Variants in SRGAP3 observed in about 807,000 individuals in gnomAD.
SRGAP3 encodes the protein SLIT-ROBO Rho GTPase-activating protein 3.
Under a neutral mutation model 121.1 loss-of-function variants are expected in SRGAP3, and 39 were observed. That is an observed-to-expected ratio of 0.32 (90% CI 0.25 to 0.42). The LOEUF (loss-of-function observed/expected upper bound fraction) is 0.42, where lower values mean the gene tolerates loss of function less well. Ranked by LOEUF, SRGAP3 falls within the 10% of genes least tolerant of loss-of-function variation. The pLI is 1.00. For synonymous variants in SRGAP3, 601 were observed against 570.0 expected (o/e 1.05, Z -0.77); for missense variants, 1,213 against 1,470.6 (o/e 0.82, Z 2.86).
chr3:9,243,400 C>T (rs1282971214), intron 1 of SRGAP3, among the ~76,000 whole-genome samples: 1 of 151,860 alleles, frequency 6.6e-6, no homozygotes, highest in Non-Finnish European at 1.5e-5. Context: ...TTTGGGAGGC[C>T]GAGGCAGGCG....
intron 6 of SRGAP3, 81 bp from the exon 7 acceptor site, chr3:9,058,553 C>T: frequency 7.2e-7 from 1 of 1,389,052 alleles, no homozygotes; most frequent in South Asian, 1.2e-5. Context: ...CAGTGACTTA[C>T]AATTACCTCC....
chr3:9,228,165 G>C (rs1258968317), intron 1 of SRGAP3, among the ~76,000 whole-genome samples: 1 of 151,978 alleles, frequency 6.6e-6, no homozygotes, highest in African/African-American at 2.4e-5. Context: ...GTAAGAGAAG[G>C]GTGTCGTGGG....
At chr3:9,065,729 A>C (rs1946400183) in intron 4 of SRGAP3, among the ~76,000 whole-genome samples, 1 of 152,208 alleles carries the variant, frequency 6.6e-6, no homozygotes, top group Non-Finnish European at 1.5e-5. Context: ...CTGTTTACTT[A>C]GTCATATGTC....
intron 18 of SRGAP3, among the ~76,000 whole-genome samples, chr3:8,998,643 T>G (rs1374881392): frequency 1.3e-5 from 2 of 152,156 alleles, no homozygotes; most frequent in African/African-American, 4.8e-5. Context: ...TATCAATCTT[T>G]CCTACCAAAG....
intron 2 of SRGAP3, among the ~76,000 whole-genome samples, chr3:9,112,217 G>A (rs2124938458): frequency 6.6e-6 from 1 of 152,316 alleles, no homozygotes; most frequent in Admixed American, 6.5e-5. Context: ...GGTCCCTCTG[G>A]GAGGAAGGCA....
At chr3:9,207,043 C>T (rs974194519) in intron 1 of SRGAP3, among the ~76,000 whole-genome samples, 1 of 152,098 alleles carries the variant, frequency 6.6e-6, no homozygotes, top group African/African-American at 2.4e-5. Context: ...ATAGGGTGAC[C>T]AACCATCAAG....
intron 4 of SRGAP3, among the ~76,000 whole-genome samples, chr3:9,076,174 T>G (rs1946967290): frequency 6.6e-6 from 1 of 152,146 alleles, no homozygotes; most frequent in Non-Finnish European, 1.5e-5. Flanking sequence ...GTGGCCCCAG[T>G]TGAACCCTGC....
intron 3 of SRGAP3, among the ~76,000 whole-genome samples, chr3:9,294,471 T>C (rs560889567): frequency 6.6e-6 from 1 of 152,118 alleles, no homozygotes; most frequent in African/African-American, 2.4e-5. Flanking sequence ...CAAACTCCCA[T>C]GACACACATT....
chr3:9,138,705 C>T (rs984052171), intron 1 of SRGAP3, among the ~76,000 whole-genome samples: 1 of 152,184 alleles, frequency 6.6e-6, no homozygotes, highest in African/African-American at 2.4e-5. Context: ...CGTGACCTCA[C>T]AGGACAGGTC....
At chr3:9,289,462 G>T (rs1261922096) in intron 3 of SRGAP3, among the ~76,000 whole-genome samples, 1 of 152,136 alleles carries the variant, frequency 6.6e-6, no homozygotes, top group Admixed American at 6.6e-5. Context: ...TATGGGATAT[G>T]CATTTGTTTC....
At chr3:9,252,553 GAGAGGAAAAAAA>G (rs1954041615), upstream of SRGAP3, among the ~76,000 whole-genome samples, 2 of 151,936 alleles carry the variant, frequency 1.3e-5, no homozygotes, top group Non-Finnish European at 2.9e-5. Flanking sequence ...GGAAAAGGAA[GAGAGGAAAAAAA>G]AGAGGAAAAG....
At chr3:9,360,243 T>C (rs538216524) in intron 1 of SRGAP3, among the ~76,000 whole-genome samples, 1 of 152,362 alleles carries the variant, frequency 6.6e-6, no homozygotes, top group South Asian at 2.1e-4. Context: ...TACAAGTTTT[T>C]GTTTGAACAC....
At chr3:9,191,137 T>C (rs557410714) in intron 1 of SRGAP3, among the ~76,000 whole-genome samples, 22 of 152,160 alleles carry the variant, frequency 1.4e-4, no homozygotes, top group African/African-American at 5.1e-4. Context: ...TGGGAGAGCA[T>C]AGGTGTGGAG....
At position 9,011,804 on chromosome 3, in the gene SRGAP3, TCTC is replaced by T. The variant is rs1268141022; in HGVS notation, c.2148-1420_2148-1418del. On this transcript the variant is annotated intron_variant, in intron 17 of 21. Transcript: ENST00000383836. ...TACTGTGCTGAGACCCTCAGCCAAG[TCTC>T]CTTTTTTGGTTTTGAAGACTCCAAA... 2.4e-5 allele frequency among the ~76,000 whole-genome samples: 3 copies of T among 127,190 alleles called. No homozygotes were observed. In the East Asian group the frequency reaches 6.7e-4, roughly 28 times the overall value. The allele number at this position is 127,190 out of a possible 152,430, so 83.4% of individuals were successfully genotyped here.
chr3:9,306,077 G>T (rs1955156299), intron 3 of SRGAP3, among the ~76,000 whole-genome samples: 1 of 152,150 alleles, frequency 6.6e-6, no homozygotes, highest in Non-Finnish European at 1.5e-5. Flanking sequence ...ATCATCTGTT[G>T]TTTCTTGAAT....
At chr3:9,283,166 C>T (rs1051207245) in intron 3 of SRGAP3, among the ~76,000 whole-genome samples, 1 of 151,802 alleles carries the variant, frequency 6.6e-6, no homozygotes, top group African/African-American at 2.4e-5. Context: ...GTCTTGAACC[C>T]CTGACCTCAG....
At chr3:9,282,167 C>T (rs573166117) in intron 3 of SRGAP3, among the ~76,000 whole-genome samples, 1 of 152,306 alleles carries the variant, frequency 6.6e-6, no homozygotes, top group South Asian at 2.1e-4. Flanking sequence ...GACTTCAACA[C>T]TTAAATATTA....
intron 1 of SRGAP3, among the ~76,000 whole-genome samples, chr3:9,135,466 C>T (rs1949610169): frequency 6.6e-6 from 1 of 152,144 alleles, no homozygotes. Flanking sequence ...TGGTGGGGTC[C>T]CTTGCCCTCC....
chr3:9,139,556 G>C (rs538307373), intron 1 of SRGAP3, among the ~76,000 whole-genome samples: 1 of 152,234 alleles, frequency 6.6e-6, no homozygotes, highest in Non-Finnish European at 1.5e-5. Context: ...CCCTAGAGCC[G>C]CTGGAGGGAG....
Sources: allele counts gnomAD v4.1 joint callset (sites outside exome capture counted in the v4.1 genomes callset), GRCh38; gene constraint gnomAD v4.1.1; transcripts MANE v1.5; gene names NCBI Gene and HGNC (gene_info 2026-07-23, HGNC 2026-07-21).